PUS3: variants seen among roughly 807,000 people sequenced by gnomAD.
The protein encoded by PUS3 is pseudouridine synthase 3.
In PUS3, 36 loss-of-function variants were observed where a neutral mutation model predicts 43.3. That is an observed-to-expected ratio of 0.83 (90% CI 0.64 to 1.10). The LOEUF (loss-of-function observed/expected upper bound fraction) is 1.10, where lower values mean the gene tolerates loss of function less well. Ranked by LOEUF, PUS3 falls within the 50% of genes least tolerant of loss-of-function variation. PUS3 has a pLI of 0.00. For missense variants in PUS3, 544 were observed against 589.9 expected (o/e 0.92, Z 0.81); for synonymous variants, 183 against 199.2 (o/e 0.92, Z 0.69).
chr11:125,897,835 C>A (rs909177491), intron 1 of PUS3, among the ~76,000 whole-genome samples: 2 of 152,136 alleles, frequency 1.3e-5, no homozygotes, highest in African/African-American at 4.8e-5. Flanking sequence ...TTTTGGCCCA[C>A]CTCTCCCATG....
chr11:125,893,736 T>C lies in PUS3; in HGVS notation c.*49A>G. 3 of 1,420,860 alleles carry C rather than the reference T, an allele frequency of 2.1e-6. No homozygotes were observed. The highest frequency in any genetic ancestry group is 2.8e-6 in the Non-Finnish European group (3 of 1,069,340). 88.0% of individuals were successfully genotyped at this position (1,420,860 alleles called of 1,614,324 possible). On this transcript the variant is annotated 3_prime_UTR_variant, in exon 4 of 4. Transcript: ENST00000227474. ...GTAAATTTTTTTTTTTTTCCTTTTCTGTCCACCTACCATTAGGTGGTTCCT... is the reference window on the plus strand; with the variant it reads ...GTAAATTTTTTTTTTTTTCCTTTTCCGTCCACCTACCATTAGGTGGTTCCT...
chr11:125,897,765 A>G (rs1439572556), intron 1 of PUS3, among the ~76,000 whole-genome samples: 1 of 152,230 alleles, frequency 6.6e-6, no homozygotes, highest in Non-Finnish European at 1.5e-5. Flanking sequence ...TATGGTCAGT[A>G]CAGCTTCTTT....
chr11:125,895,241 G>A lies in PUS3; in HGVS notation c.927C>T (p.Pro309=). The A allele has an allele frequency of 6.3e-7, 1 of 1,588,842 alleles. No homozygotes were observed. Among genetic ancestry groups the A allele is most frequent in the Non-Finnish European group, 8.5e-7 (1 of 1,170,820 alleles). ...IDELLNIEKN[P]QKPQYSMAVE... ...TAACTCACCTATATTGAGGCTTTTGGGGATTTTTCTCTATATTCAGCAGCT... is the reference window on the plus strand; with the variant it reads ...TAACTCACCTATATTGAGGCTTTTGAGGATTTTTCTCTATATTCAGCAGCT... The change falls in exon 3 of 4, where the codon CCC becomes CCT. Residue 309 remains proline, a synonymous_variant. Coordinates refer to ENST00000227474, the MANE Select transcript of PUS3 (RefSeq NM_031307.4).
At chr11:125,899,283 A>G (rs776066598) in intron 1 of PUS3, 4 of 1,222,314 alleles carry the variant, frequency 3.3e-6, no homozygotes, top group Non-Finnish European at 4.7e-6. Flanking sequence ...AGATAAGGGA[A>G]TGAGCAATTT....
intron 1 of PUS3, chr11:125,899,265 TAA>T: frequency 1.0e-6 from 1 of 989,704 alleles, no homozygotes; most frequent in Non-Finnish European, 1.5e-6. Context: ...TTGACTGCTA[TAA>T]AACGGAGATA....
intron 1 of PUS3, among the ~76,000 whole-genome samples, chr11:125,896,869 T>C (rs1944606805): frequency 6.6e-6 from 1 of 152,208 alleles, no homozygotes; most frequent in South Asian, 2.1e-4. Flanking sequence ...TACCGATGGT[T>C]GTATTTCACA....
At chr11:125,897,620 T>A (rs1197386824) in intron 1 of PUS3, among the ~76,000 whole-genome samples, 1 of 152,016 alleles carries the variant, frequency 6.6e-6, no homozygotes, top group South Asian at 2.1e-4. Flanking sequence ...TTAAAAAAAA[T>A]TTTAAATGCT....
intron 1 of PUS3, among the ~76,000 whole-genome samples, chr11:125,897,335 G>T (rs1944618452): frequency 1.3e-5 from 2 of 151,980 alleles, no homozygotes; most frequent in South Asian, 4.2e-4. Flanking sequence ...GAGTAGGAAA[G>T]GCATTTCTAA....
rs1307233110 is a variant in PUS3, at chr11:125,900,166, A to G, written c.-47+3004T>C. ...TATATGTCCCAAACAATTATCTAGT[A>G]CCAACAGAGAAGAAAAGGTCTGCAC... On this transcript the variant is annotated intron_variant, in intron 1 of 3. Coordinates refer to ENST00000227474, the MANE Select transcript of PUS3 (RefSeq NM_031307.4). The G allele has an allele frequency of 1.2e-6, 2 of 1,614,078 alleles. No homozygotes were observed. The highest frequency in any genetic ancestry group is 1.3e-5 in the African/African-American group (1 of 74,926).
At chr11:125,902,318 G>A (rs1944796816) in intron 1 of PUS3, among the ~76,000 whole-genome samples, 1 of 151,202 alleles carries the variant, frequency 6.6e-6, no homozygotes, top group Non-Finnish European at 1.5e-5. Context: ...CATTGGGCCA[G>A]GCGCCGTGGC....
At chr11:125,894,823 T>C (rs1329333163) in intron 3 of PUS3, among the ~76,000 whole-genome samples, 1 of 152,214 alleles carries the variant, frequency 6.6e-6, no homozygotes, top group East Asian at 1.9e-4. Flanking sequence ...CCTCTTAACA[T>C]AAATTCAGAA....
At position 125,896,336 on chromosome 11, in the gene PUS3, AAG is replaced by A; in HGVS notation, c.-46-8_-46-7del. 6.7e-7 allele frequency: 1 copy of A among 1,499,892 alleles called. No homozygotes were observed. The highest frequency in any genetic ancestry group is 2.3e-5 in the East Asian group (1 of 44,202). The allele number at this position is 1,499,892 out of a possible 1,614,324, so 92.9% of individuals were successfully genotyped here. A position where few individuals can be genotyped will look rare whatever the true frequency, so the allele number is the denominator to read the frequency against. ...ACCATACAGGTCTGCCCTGTCTGAA[AAG>A]AGAGCAAAGGGATACAACAGTTTCA... is the stretch of plus-strand genomic sequence containing the variant. On this transcript the variant is annotated splice_region_variant and splice_polypyrimidine_tract_variant and intron_variant, in intron 1 of 3. Transcript: ENST00000227474.
intron 1 of PUS3, among the ~76,000 whole-genome samples, chr11:125,897,042 A>C (rs1306342522): frequency 1.3e-5 from 2 of 152,172 alleles, no homozygotes; most frequent in Non-Finnish European, 2.9e-5. Flanking sequence ...GTCTGATGTA[A>C]TGTAGATGTC....
At chr11:125,898,751 ACAC>A (rs1944667109) in intron 1 of PUS3, among the ~76,000 whole-genome samples, 1 of 150,000 alleles carries the variant, frequency 6.7e-6, no homozygotes, top group Admixed American at 6.7e-5. Flanking sequence ...AGAGAACACA[ACAC>A]TGCTTTTGTG....
chr11:125,896,223 A>T lies in PUS3; in HGVS notation c.62T>A (p.Leu21Gln), dbSNP rs1175427328. The T allele has an allele frequency of 1.9e-6, 3 of 1,613,894 alleles. No homozygotes were observed. The highest frequency in any genetic ancestry group is 1.3e-5 in the African/African-American group (1 of 74,866). The change falls in exon 2 of 4, where the codon CTG (leucine) becomes CAG (glutamine). Residue 21 changes from leucine to glutamine, a missense_variant. Physicochemically the swap from Leu to Gln is moderately radical, Grantham distance 113 (BLOSUM62 -2). Coordinates refer to ENST00000227474, the MANE Select transcript of PUS3 (RefSeq NM_031307.4). The part of the protein sequence containing the change: ...TEKLLKRVRE[L>Q]EQEVQRLKKE... The stretch of plus-strand genomic sequence containing the variant: ...TTTAAGTCTTTGCACCTCTTGCTCC[A>T]GTTCTCGTACTCTTTTTAGGAGCTT...
intron 1 of PUS3, among the ~76,000 whole-genome samples, chr11:125,901,020 A>C (rs948745746): frequency 6.6e-6 from 1 of 151,960 alleles, no homozygotes; most frequent in African/African-American, 2.4e-5. Flanking sequence ...AAAAAAAAAA[A>C]AAAAAAAGAA....
At chr11:125,899,325 C>T (rs757194039) in intron 1 of PUS3, 2 of 1,563,538 alleles carry the variant, frequency 1.3e-6, no homozygotes, top group Admixed American at 3.5e-5. Context: ...AGAAAACTGA[C>T]CAATGTTATC....
chr11:125,893,496 T>G lies in PUS3; in HGVS notation c.*289A>C. 1 of 252,086 alleles carries G rather than the reference T, an allele frequency of 4.0e-6. No homozygotes were observed. The highest frequency in any genetic ancestry group is 7.5e-6 in the Non-Finnish European group (1 of 133,714). 15.6% of individuals were successfully genotyped at this position (252,086 alleles called of 1,614,324 possible). A position where few individuals can be genotyped will look rare whatever the true frequency, so the allele number is the denominator to read the frequency against. ...CACAACAAATCAGATACTTGCAGGATTAGGCTTTAATGAATTTGAATACAA... is the reference window on the plus strand; with the variant it reads ...CACAACAAATCAGATACTTGCAGGAGTAGGCTTTAATGAATTTGAATACAA... On this transcript the variant is annotated 3_prime_UTR_variant, in exon 4 of 4. Transcript: ENST00000227474.
Position 125,895,697 on chromosome 11 carries a change from C to G in PUS3, c.471G>C (p.Glu157Asp). The change falls in exon 3 of 4, where the codon GAG becomes GAC. Residue 157 changes from glutamate (E) to aspartate (D), a missense_variant. Glu to Asp is a conservative substitution (Grantham distance 45). Transcript: ENST00000227474. ...GATTGAGAATGTGGGTATAACGGAT[C>G]TCTTCAGCAGCAGCATTAGCCTCCT... ...VKEEANAAAEEIRYTHILNRV... is the reference protein window; with the variant it reads ...VKEEANAAAEDIRYTHILNRV... 1 of 1,614,130 alleles carries G rather than the reference C, an allele frequency of 6.2e-7. No homozygotes were observed. Among genetic ancestry groups the G allele is most frequent in the Middle Eastern group, 1.6e-4 (1 of 6,062 alleles).
Sources: allele counts gnomAD v4.1 joint callset (sites outside exome capture counted in the v4.1 genomes callset), GRCh38; gene constraint gnomAD v4.1.1; transcripts MANE v1.5; gene names NCBI Gene and HGNC (gene_info 2026-07-23, HGNC 2026-07-21).